Variants in FARP1 observed in about 807,000 individuals in gnomAD.
The protein encoded by FARP1 is FERM, ARH/RhoGEF and pleckstrin domain protein 1.
FARP1 carries 52 observed loss-of-function variants against 128.8 expected under a neutral mutation model. The ratio of observed to expected loss-of-function variants is 0.40; its 90% CI spans 0.32 to 0.51. The LOEUF is 0.51. Among genes scored for constraint, FARP1 ranks in the 20% least tolerant of loss-of-function variants. FARP1 has a pLI of 0.45. For synonymous variants in FARP1, 580 were observed against 551.8 expected (o/e 1.05, Z -0.72); for missense variants, 1,333 against 1,367.9 (o/e 0.97, Z 0.40).
rs752236183 is a variant in FARP1, at chr13:98,446,809, G to A, written c.3048G>A (p.Thr1016=). The A allele has an allele frequency of 8.1e-6, 13 of 1,613,944 alleles. No individual in the cohort carries two copies. Among genetic ancestry groups the A allele is most frequent in the Admixed American group, 3.3e-5 (2 of 60,010 alleles). The change falls in exon 26 of 27, where the codon ACG becomes ACA. Residue 1016 remains threonine, a synonymous_variant. Transcript: ENST00000319562. ...VYYFRAESEY[T]FERWMEVIRS... is the part of the protein sequence containing the mutation. ...ACTTCAGGGCGGAAAGCGAGTACAC[G>A]TTCGAAAGGTAGACACCCCCTTCCC...
chr13:98,147,593 T>G (rs1875666496), intron 1 of FARP1, among the ~76,000 whole-genome samples: 1 of 152,040 alleles, frequency 6.6e-6, no homozygotes, highest in Non-Finnish European at 1.5e-5. Flanking sequence ...TCCAGTATTA[T>G]GATGACTTTC....
chr13:98,401,921 A>G (rs1346811763), intron 13 of FARP1: 1 of 152,140 alleles, frequency 6.6e-6, no homozygotes, highest in Admixed American at 6.5e-5. Context: ...CCAAGCCTTC[A>G]GCATCTTCTC....
intron 1 of FARP1, among the ~76,000 whole-genome samples, chr13:98,178,585 A>G (rs1878275735): frequency 6.6e-6 from 1 of 152,088 alleles, no homozygotes; most frequent in African/African-American, 2.4e-5. Flanking sequence ...TCTAGTTCTT[A>G]TTTAGCCAGT....
At chr13:98,442,671 G>C (rs796077693) in intron 24 of FARP1, among the ~76,000 whole-genome samples, 3 of 152,238 alleles carry the variant, frequency 2.0e-5, no homozygotes, top group Non-Finnish European at 4.4e-5. Flanking sequence ...TCTCCCAGGG[G>C]ATGGGGATTA....
At chr13:98,357,212 G>A (rs1276284875) in intron 3 of FARP1, among the ~76,000 whole-genome samples, 8 of 152,080 alleles carry the variant, frequency 5.3e-5, no homozygotes, top group Non-Finnish European at 1.0e-4. Flanking sequence ...TATTGATATA[G>A]TTTAAATTGA....
chr13:98,373,915 T>C (rs2139997192), intron 5 of FARP1, among the ~76,000 whole-genome samples: 1 of 152,338 alleles, frequency 6.6e-6, no homozygotes, highest in African/African-American at 2.4e-5. Flanking sequence ...TTCATTATTA[T>C]AATAGTAGTA....
intron 2 of FARP1, among the ~76,000 whole-genome samples, chr13:98,337,865 T>C (rs1378751713): frequency 2.0e-5 from 3 of 152,140 alleles, no homozygotes; most frequent in Non-Finnish European, 4.4e-5. Flanking sequence ...TTGCCAGACA[T>C]ATAAAAGAGC....
intron 2 of FARP1, among the ~76,000 whole-genome samples, chr13:98,281,502 A>C (rs58718151): frequency 0.036 from 5,540 of 152,016 alleles, 332 homozygotes; most frequent in African/African-American, 0.13. Flanking sequence ...GGATCTCCTT[A>C]TTGCCCTCCT....
chr13:98,332,302 G>A, intron 2 of FARP1: 1 of 149,196 alleles, frequency 6.7e-6, no homozygotes, highest in Non-Finnish European at 1.5e-5. Flanking sequence ...GGATATGATT[G>A]TACTTTTGTT....
At chr13:98,164,507 T>C (rs1287094332) in intron 1 of FARP1, among the ~76,000 whole-genome samples, 1 of 152,242 alleles carries the variant, frequency 6.6e-6, no homozygotes, top group Non-Finnish European at 1.5e-5. Context: ...TTCTTTTGAT[T>C]TGTATTTGAT....
chr13:98,302,507 C>G (rs1337145687), intron 2 of FARP1, among the ~76,000 whole-genome samples: 1 of 152,182 alleles, frequency 6.6e-6, no homozygotes, highest in Non-Finnish European at 1.5e-5. Flanking sequence ...TGGGCGTGCT[C>G]AGGCAAAAAG....
chr13:98,297,534 C>A (rs1198519994), intron 2 of FARP1, among the ~76,000 whole-genome samples: 1 of 152,194 alleles, frequency 6.6e-6, no homozygotes, highest in African/African-American at 2.4e-5. Context: ...ACTATGACTA[C>A]AGCCAACTGT....
chr13:98,309,153 C>CCT (rs1886327761), intron 2 of FARP1, among the ~76,000 whole-genome samples: 2 of 89,670 alleles, frequency 2.2e-5, no homozygotes, highest in Non-Finnish European at 4.1e-5. Flanking sequence ...TTTAAGAGGC[C>CCT]TTTTTTTTTT....
chr13:98,405,865 G>A (rs1027963158), intron 13 of FARP1: 1 of 152,236 alleles, frequency 6.6e-6, no homozygotes, highest in African/African-American at 2.4e-5. Context: ...ATGAATGTCA[G>A]TCACAGTTTC....
intron 2 of FARP1, among the ~76,000 whole-genome samples, chr13:98,270,244 C>T (rs7326738): frequency 0.77 from 116,536 of 152,142 alleles, 44,883 homozygotes; most frequent in East Asian, 0.97. Flanking sequence ...TTAAGCCCAT[C>T]CCTTCTCATT....
rs140165527 is a variant in FARP1, at chr13:98,404,666, G to A, written c.1415-4672G>A. 2.8e-3 allele frequency: 427 copies of A among 152,240 alleles called. 4 individuals carry two copies. The highest frequency in any genetic ancestry group is 9.3e-3 in the African/African-American group (388 of 41,532). 9.4% of individuals were successfully genotyped at this position (152,240 alleles called of 1,614,324 possible). ...GGCACATAGAGAGAAAATCTCCTATGTTTTAGAACAGAATAAAAGAAGACA... is the reference window on the plus strand; with the variant it reads ...GGCACATAGAGAGAAAATCTCCTATATTTTAGAACAGAATAAAAGAAGACA... On this transcript the variant is annotated intron_variant, in intron 13 of 26. Transcript: ENST00000319562.
At chr13:98,413,224 G>C (rs1451875415) in intron 16 of FARP1, among the ~76,000 whole-genome samples, 1 of 152,228 alleles carries the variant, frequency 6.6e-6, no homozygotes, top group Non-Finnish European at 1.5e-5. Context: ...ATTACTGAGA[G>C]GCCCCAGTGG....
At chr13:98,154,575 C>T (rs531558493) in intron 1 of FARP1, among the ~76,000 whole-genome samples, 13 of 152,072 alleles carry the variant, frequency 8.5e-5, no homozygotes, top group African/African-American at 2.4e-4. Context: ...ACAGCGCCAG[C>T]GGGAATAAAT....
intron 19 of FARP1, among the ~76,000 whole-genome samples, chr13:98,436,268 G>A (rs77098568): frequency 0.066 from 10,062 of 152,200 alleles, 403 homozygotes; most frequent in East Asian, 0.19. Context: ...AGATGCAGGT[G>A]ATTCCTACTC....
Sources: gnomAD v4.1 joint callset for allele counts (sites outside exome capture counted in the v4.1 genomes callset) on GRCh38, gnomAD v4.1.1 for gene constraint, MANE v1.5 for transcripts, NCBI Gene and HGNC (gene_info 2026-07-23, HGNC 2026-07-21) for gene names.